LRRC3C: variants seen among roughly 807,000 people sequenced by gnomAD.
LRRC3C encodes the protein leucine rich repeat containing 3C, also known as leucine-rich repeat-containing protein 3C.
In LRRC3C, 11 loss-of-function variants were observed where a neutral mutation model predicts 14.8. The ratio of observed to expected loss-of-function variants is 0.74; its 90% confidence interval spans 0.47 to 1.23. The LOEUF is 1.23. Ranked by LOEUF, LRRC3C falls within the 50% of genes most tolerant of loss-of-function variation. The pLI, the probability that LRRC3C is intolerant of heterozygous loss-of-function variation, is 0.00. For missense variants in LRRC3C, 354 were observed against 361.8 expected, an observed-to-expected ratio of 0.98 and a Z score of 0.18; for synonymous variants, 149 against 161.5, an observed-to-expected ratio of 0.92 and a Z score of 0.59.
At chr17:39,933,938 C>CA (rs1437301798) in intron 1 of LRRC3C, among the ~76,000 whole-genome samples, 1 of 152,204 alleles carries the variant, frequency 6.6e-6, no homozygotes. Flanking sequence ...GGGGATACCC[C>CA]AGGCATGTGG....
At chr17:39,935,931 C>A in intron 2 of LRRC3C, 37 bp downstream of exon 2, 1 of 948,940 alleles carries the variant, frequency 1.1e-6, no homozygotes, top group Non-Finnish European at 1.3e-6. Flanking sequence ...ATCTATCTAT[C>A]TACCTACCTA....
intron 1 of LRRC3C, among the ~76,000 whole-genome samples, chr17:39,930,321 C>T (rs1427076627): frequency 8.3e-6 from 1 of 120,006 alleles, no homozygotes; most frequent in East Asian, 2.5e-4. Flanking sequence ...GGGGGAGAGA[C>T]TTACAGATTA....
intron 2 of LRRC3C, 30 bp from the exon 3 acceptor site, chr17:39,941,412 CA>C: frequency 7.1e-6 from 5 of 704,510 alleles, no homozygotes; most frequent in African/African-American, 6.4e-5. Context: ...GGGACCCCCC[CA>C]CACACACCCC....
intron 3 of LRRC3C, among the ~76,000 whole-genome samples, chr17:39,943,613 T>C (rs994043905): frequency 1.3e-5 from 2 of 151,988 alleles, no homozygotes; most frequent in Non-Finnish European, 2.9e-5. Flanking sequence ...AATCAACACA[T>C]GGACAGAGGC....
Position 39,944,322 on chromosome 17 carries a change from A to AGCTG in LRRC3C, c.419_422dup (p.Ser142GlyfsTer25). 1 of 1,535,558 alleles carries AGCTG rather than the reference A, an allele frequency of 6.5e-7. No individual in the cohort carries two copies. The highest frequency in any genetic ancestry group is 8.7e-7 in the Non-Finnish European group (1 of 1,146,732). On this transcript the variant is annotated frameshift_variant, in exon 4 of 4. Coordinates refer to ENST00000377924, the MANE Select transcript of LRRC3C (RefSeq NM_001195545.2). LOFTEE classifies it high-confidence loss of function. ...CGCCACCTCGACCTCTCTGCCAACC[A>AGCTG]GCTGGCCTCAGTGCCCGTGGAGGCC...
intron 1 of LRRC3C, among the ~76,000 whole-genome samples, chr17:39,933,073 A>AAGGC (rs1978695818): frequency 6.6e-6 from 1 of 151,660 alleles, no homozygotes; most frequent in Admixed American, 6.6e-5. Context: ...GAAAGGAAGG[A>AAGGC]AGGAAGGAAG....
At chr17:39,935,214 G>C (rs796862273) in intron 1 of LRRC3C, among the ~76,000 whole-genome samples, 2 of 152,010 alleles carry the variant, frequency 1.3e-5, no homozygotes, top group African/African-American at 4.8e-5. Context: ...CAGCCACACA[G>C]CTCTCCCTTG....
At chr17:39,931,090 C>G (rs1371562162) in intron 1 of LRRC3C, among the ~76,000 whole-genome samples, 2 of 149,514 alleles carry the variant, frequency 1.3e-5, no homozygotes, top group African/African-American at 2.5e-5. Context: ...TGCAGTGAGC[C>G]GAGATCGTGC....
intron 3 of LRRC3C, among the ~76,000 whole-genome samples, chr17:39,943,039 T>G (rs1978980563): frequency 1.3e-5 from 2 of 152,180 alleles, no homozygotes; most frequent in Non-Finnish European, 2.9e-5. Flanking sequence ...AATTGGGTCC[T>G]GGTCTCCCCA....
intron 3 of LRRC3C, among the ~76,000 whole-genome samples, chr17:39,942,002 A>G (rs952618733): frequency 2.0e-5 from 3 of 152,130 alleles, no homozygotes; most frequent in Admixed American, 6.5e-5. Context: ...TGCAGGGGAT[A>G]AGCCACCATG....
At chr17:39,934,402 C>A (rs1405951469) in intron 1 of LRRC3C, among the ~76,000 whole-genome samples, 1 of 152,186 alleles carries the variant, frequency 6.6e-6, no homozygotes, top group Non-Finnish European at 1.5e-5. Context: ...TACTCCTAGC[C>A]TCACCTGTCT....
chr17:39,932,193 C>T (rs974005846), intron 1 of LRRC3C, among the ~76,000 whole-genome samples: 4 of 151,924 alleles, frequency 2.6e-5, no homozygotes, highest in African/African-American at 9.7e-5. Flanking sequence ...CACTGGTGTT[C>T]GGAAAAAATA....
At chr17:39,938,018 G>C (rs1978844470) in intron 2 of LRRC3C, among the ~76,000 whole-genome samples, 1 of 152,188 alleles carries the variant, frequency 6.6e-6, no homozygotes, top group South Asian at 2.1e-4. Flanking sequence ...TGTAATCCCA[G>C]CTTCTTGGGA....
intron 1 of LRRC3C, among the ~76,000 whole-genome samples, chr17:39,928,185 C>G (rs1978541720): frequency 6.6e-6 from 1 of 151,944 alleles, no homozygotes; most frequent in Non-Finnish European, 1.5e-5. Flanking sequence ...CGGGCCACAT[C>G]CTTGGCCGCC....
intron 1 of LRRC3C, among the ~76,000 whole-genome samples, chr17:39,933,776 G>A (rs1978722770): frequency 1.3e-5 from 2 of 152,152 alleles, no homozygotes; most frequent in South Asian, 4.1e-4. Context: ...CTTCCCCTGG[G>A]GGAAAGAATA....
intron 2 of LRRC3C, chr17:39,939,573 G>A (rs1247657159): frequency 1.2e-5 from 3 of 250,192 alleles, no homozygotes; most frequent in Non-Finnish European, 1.9e-5. Context: ...TGAATGTGCA[G>A]GGTGTTTTGA....
In LRRC3C at chr17:39,930,107, C is replaced by T. The variant is rs144849586; in HGVS notation, c.-175+2293C>T. Among the ~76,000 whole-genome samples the T allele has an allele frequency of 1.2e-3, 178 of 151,408 alleles. 2 individuals carry two copies. In the East Asian group the frequency reaches 0.029, roughly 25 times the overall value. On this transcript the variant is annotated intron_variant, in intron 1 of 3. Coordinates refer to ENST00000377924, the MANE Select transcript of LRRC3C (RefSeq NM_001195545.2). ...CAACCTGGACAACATGGTAAAACCCCGTGGTCTACAAAAAATACAAAAATT... is the reference window on the plus strand; with the variant it reads ...CAACCTGGACAACATGGTAAAACCCTGTGGTCTACAAAAAATACAAAAATT...
At chr17:39,928,337 G>T (rs937946270) in intron 1 of LRRC3C, among the ~76,000 whole-genome samples, 1 of 152,202 alleles carries the variant, frequency 6.6e-6, no homozygotes, top group African/African-American at 2.4e-5. Context: ...TCGTCTAAAG[G>T]CAAGGGCACA....
Position 39,944,024 on chromosome 17 carries a change from G to A in LRRC3C, c.118G>A (p.Gly40Ser). The A allele has an allele frequency of 1.3e-6, 2 of 1,536,028 alleles. No individual in the cohort carries two copies. Among genetic ancestry groups the A allele is most frequent in the Middle Eastern group, 1.7e-4 (1 of 5,990 alleles). The stretch of plus-strand genomic sequence containing the variant: ...CCTCCTGCTGGTGATAGGCACAGGG[G>A]GTACTGTGCCCAGCCCCCAGGTGCC... The part of the protein sequence containing the change: ...LPLLLVIGTG[G>S]TVPSPQVPPR... The change falls in exon 4 of 4, where the codon GGT becomes AGT. Residue 40 changes from glycine to serine, a missense_variant. Transcript: ENST00000377924.
Sources: gnomAD v4.1 joint callset for allele counts (sites outside exome capture counted in the v4.1 genomes callset) on GRCh38, gnomAD v4.1.1 for gene constraint, MANE v1.5 for transcripts, NCBI Gene and HGNC (gene_info 2026-07-23, HGNC 2026-07-21) for gene names.